ZC3H3: variants seen among roughly 807,000 people sequenced by gnomAD.
ZC3H3 encodes the protein zinc finger CCCH domain-containing protein 3.
In ZC3H3, 36 loss-of-function variants were observed where a neutral mutation model predicts 77.3. The ratio of observed to expected loss-of-function variants is 0.47; its 90% CI spans 0.36 to 0.61. ZC3H3 has a LOEUF of 0.61. ZC3H3 is among the 20% of genes least tolerant of loss of function. The pLI is 0.00. For missense variants in ZC3H3, 1,331 were observed against 1,312.2 expected (o/e 1.01, Z -0.22); for synonymous variants, 626 against 555.2 (o/e 1.13, Z -1.79).
intron 3 of ZC3H3, among the ~76,000 whole-genome samples, chr8:143,523,735 G>A (rs763789185): frequency 3.3e-5 from 5 of 152,332 alleles, no homozygotes; most frequent in South Asian, 2.1e-4. Flanking sequence ...GAATCACCCC[G>A]AGATAACGGA....
rs540518947 is a variant in ZC3H3, at chr8:143,508,125, C to T, written c.1562-226G>A. 2.0e-5 allele frequency among the ~76,000 whole-genome samples: 3 copies of T among 152,366 alleles called. No individual in the cohort carries two copies. The South Asian group carries it at 6.2e-4, about 32-fold the overall frequency. On this transcript the variant is annotated intron_variant, in intron 3 of 11. Transcript: ENST00000262577. ...CAGTGCAGCCTCTGAGAGGCGGGCA[C>T]CAGCCCCGCACACCCTCCAGCCATC...
chr8:143,482,427 C>T (rs1264653004), intron 4 of ZC3H3, among the ~76,000 whole-genome samples: 1 of 152,180 alleles, frequency 6.6e-6, no homozygotes, highest in African/African-American at 2.4e-5. Flanking sequence ...AGAACACACC[C>T]AAGTGTGTGC....
chr8:143,438,915 G>A (rs902255695), intron 11 of ZC3H3, among the ~76,000 whole-genome samples: 1 of 152,168 alleles, frequency 6.6e-6, no homozygotes, highest in African/African-American at 2.4e-5. Flanking sequence ...TGCGGTGGCC[G>A]CTCCAGCAGC....
chr8:143,490,193 C>G (rs570589791), intron 4 of ZC3H3, among the ~76,000 whole-genome samples: 166 of 152,326 alleles, frequency 1.1e-3, no homozygotes, highest in African/African-American at 3.8e-3. Flanking sequence ...GCACAGTGCT[C>G]AGCAGCTGGG....
chr8:143,471,343 C>T (rs188601371), intron 5 of ZC3H3, among the ~76,000 whole-genome samples: 20 of 152,356 alleles, frequency 1.3e-4, no homozygotes, highest in African/African-American at 3.8e-4. Flanking sequence ...GGGGGCAAGC[C>T]GACAGGGCCT....
chr8:143,455,084 G>T (rs558682468), intron 9 of ZC3H3, among the ~76,000 whole-genome samples: 178 of 151,750 alleles, frequency 1.2e-3, no homozygotes, highest in African/African-American at 4.1e-3. Flanking sequence ...GGGAGGCCAA[G>T]ACGGGTGGAT....
intron 5 of ZC3H3, among the ~76,000 whole-genome samples, chr8:143,470,677 A>G (rs1820538660): frequency 1.3e-5 from 2 of 152,246 alleles, no homozygotes; most frequent in African/African-American, 4.8e-5. Context: ...GACCGGGTGC[A>G]GCAGGAGGGG....
At position 143,538,436 on chromosome 8, in the gene ZC3H3, A is replaced by T; in HGVS notation, c.931T>A (p.Tyr311Asn). ...CRTNKFRKNN[Y>N]KWVAASSKSP... ...TTCGAGGAGGCAGCCACCCATTTGT[A>T]GTTGTTTTTCCGGAACTTGTTAGTT... Residue 311 changes from tyrosine to asparagine, a missense_variant, in exon 2 of 12, where the codon TAC (tyrosine) becomes AAC (asparagine). Coordinates refer to ENST00000262577, the MANE Select transcript of ZC3H3 (RefSeq NM_015117.3). 6.2e-7 allele frequency: 1 copy of T among 1,613,188 alleles called. No individual in the cohort carries two copies. Among genetic ancestry groups the T allele is most frequent in the Non-Finnish European group, 8.5e-7 (1 of 1,180,034 alleles).
chr8:143,479,851 AGTAATGGG>A (rs1357123801), intron 4 of ZC3H3, among the ~76,000 whole-genome samples: 1 of 152,234 alleles, frequency 6.6e-6, no homozygotes, highest in Non-Finnish European at 1.5e-5. Context: ...GAAAAGCAGC[AGTAATGGG>A]GAGAAAGACA....
intron 3 of ZC3H3, among the ~76,000 whole-genome samples, chr8:143,515,984 C>G (rs543331326): frequency 6.6e-6 from 1 of 152,366 alleles, no homozygotes; most frequent in East Asian, 1.9e-4. Context: ...CCGCTTCCAG[C>G]CCAGGCCCTG....
chr8:143,535,598 G>A (rs576505865), intron 3 of ZC3H3, among the ~76,000 whole-genome samples: 4 of 152,302 alleles, frequency 2.6e-5, no homozygotes, highest in South Asian at 4.1e-4. Flanking sequence ...CCACGTGCCC[G>A]CCTGGAGGCC....
intron 3 of ZC3H3, among the ~76,000 whole-genome samples, chr8:143,517,471 G>C (rs1462160092): frequency 6.6e-6 from 1 of 152,192 alleles, no homozygotes; most frequent in Non-Finnish European, 1.5e-5. Flanking sequence ...AGGTGGGGTA[G>C]GCTCGGGGCA....
At chr8:143,470,076 TC>T (rs1820521499) in intron 5 of ZC3H3, among the ~76,000 whole-genome samples, 1 of 152,112 alleles carries the variant, frequency 6.6e-6, no homozygotes, top group African/African-American at 2.4e-5. Flanking sequence ...AGCCGCAGAC[TC>T]CCACCCGAGG....
In ZC3H3 at chr8:143,493,464, T is replaced by A. The variant is rs1436179472; in HGVS notation, c.1715+14282A>T. The stretch of plus-strand genomic sequence containing the variant: ...CAAGGCCGAGGCTGCAGGAGGGGTC[T>A]GGCCCTCGGCCACACCTGGAGAAGG... On this transcript the variant is annotated intron_variant, in intron 4 of 11. Coordinates refer to ENST00000262577, the MANE Select transcript of ZC3H3 (RefSeq NM_015117.3). This position sits in a 1 kb window ranked among gnomAD's most constrained non-coding sequence, Gnocchi z 4.8. Among the ~76,000 whole-genome samples the A allele has an allele frequency of 6.6e-6, 1 of 152,188 alleles. No individual in the cohort carries two copies. Among genetic ancestry groups the A allele is most frequent in the Non-Finnish European group, 1.5e-5 (1 of 68,026 alleles).
Position 143,530,956 on chromosome 8 carries a change from C to CTT in ZC3H3, c.1561+5299_1561+5300dup, listed in dbSNP as rs3058418. ...CCCTTCTGGGGCTGTCTTCTATCTCCTTTTTTTTTTTTTTTTTTTTTGAGA... is the reference window on the plus strand; with the variant it reads ...CCCTTCTGGGGCTGTCTTCTATCTCCTTTTTTTTTTTTTTTTTTTTTTTGAGA... On this transcript the variant is annotated intron_variant, in intron 3 of 11. Transcript: ENST00000262577. This position sits in a 1 kb window ranked among gnomAD's most constrained non-coding sequence, Gnocchi z 4.3. Among the ~76,000 whole-genome samples, 56 of 133,530 alleles carry CTT rather than the reference C, an allele frequency of 4.2e-4. No homozygotes were observed. Among genetic ancestry groups the CTT allele is most frequent in the African/African-American group, 5.3e-4 (18 of 34,200 alleles). The allele number at this position is 133,530 out of a possible 152,430, so 87.6% of individuals were successfully genotyped here.
At position 143,538,440 on chromosome 8, in the gene ZC3H3, G is replaced by A. The variant is rs759076753; in HGVS notation, c.927C>T (p.Asn309=). 10 of 1,613,204 alleles carry A rather than the reference G, an allele frequency of 6.2e-6. No homozygotes were observed. In the South Asian group the frequency reaches 1.1e-4, roughly 18 times the overall value. ...AGGAGGCAGCCACCCATTTGTAGTTGTTTTTCCGGAACTTGTTAGTTCGAC... is the reference window on the plus strand; with the variant it reads ...AGGAGGCAGCCACCCATTTGTAGTTATTTTTCCGGAACTTGTTAGTTCGAC... The part of the protein sequence containing the change: ...VTCRTNKFRK[N]NYKWVAASSK... Residue 309 remains asparagine (N), a synonymous_variant, in exon 2 of 12, where the codon AAC becomes AAT. Coordinates refer to ENST00000262577, the MANE Select transcript of ZC3H3 (RefSeq NM_015117.3).
At chr8:143,522,925 A>AAT (rs1554646503) in intron 3 of ZC3H3, among the ~76,000 whole-genome samples, 23 of 151,720 alleles carry the variant, frequency 1.5e-4, no homozygotes, top group East Asian at 1.2e-3. Flanking sequence ...GTCTCAAAAA[A>AAT]ATATATATAT....
intron 11 of ZC3H3, 77 bp downstream of exon 11, chr8:143,439,964 C>T: frequency 3.0e-6 from 4 of 1,327,018 alleles, no homozygotes; most frequent in Non-Finnish European, 4.0e-6. Flanking sequence ...CCCTGGGGGC[C>T]TGAGCCAGGC....
chr8:143,466,028 C>T (rs948578060), intron 8 of ZC3H3, among the ~76,000 whole-genome samples, 180 bp from the exon 9 acceptor site: 8 of 152,194 alleles, frequency 5.3e-5, no homozygotes, highest in Non-Finnish European at 8.8e-5. Flanking sequence ...AAGTGGGCCC[C>T]AGCCTCCCCA....
Sources: allele counts gnomAD v4.1 joint callset (sites outside exome capture counted in the v4.1 genomes callset), GRCh38; gene constraint gnomAD v4.1.1; non-coding constraint Gnocchi (gnomAD v3.1); transcripts MANE v1.5; gene names NCBI Gene and HGNC (gene_info 2026-07-23, HGNC 2026-07-21).